CACHD1: variants seen among roughly 807,000 people sequenced by gnomAD.
CACHD1 encodes cache domain containing 1.
A neutral mutation model predicts 138.7 loss-of-function variants in CACHD1; 71 were observed. The ratio of observed to expected loss-of-function variants is 0.51; its 90% CI spans 0.42 to 0.62. CACHD1 has a LOEUF of 0.62. CACHD1 is among the 20% of genes least tolerant of loss of function. The pLI is 0.00. For missense variants in CACHD1, 1,389 were observed against 1,625.3 expected, an observed-to-expected ratio of 0.85 and a Z score of 2.50; for synonymous variants, 578 against 591.5, an observed-to-expected ratio of 0.98 and a Z score of 0.33.
intron 1 of CACHD1, among the ~76,000 whole-genome samples, chr1:64,517,774 C>T (rs898462217): frequency 7.2e-5 from 11 of 152,304 alleles, no homozygotes; most frequent in Middle Eastern, 3.4e-3. Context: ...GGGACCTGGA[C>T]AGTGTAGCAC....
chr1:64,633,929 A>AGAATATT (rs757583949), intron 6 of CACHD1, 115 bp from the exon 7 acceptor site: 124 of 712,620 alleles, frequency 1.7e-4, no homozygotes, highest in Admixed American at 5.8e-5. Context: ...TGAAACTCTC[A>AGAATATT]GAATCTGTTC....
chr1:64,664,983 T>A (rs1391612924), intron 15 of CACHD1, among the ~76,000 whole-genome samples: 1 of 152,230 alleles, frequency 6.6e-6, no homozygotes, highest in Non-Finnish European at 1.5e-5. Flanking sequence ...CTGGATAGAC[T>A]TCATTTTACT....
chr1:64,591,112 G>A (rs1647096888), intron 3 of CACHD1, among the ~76,000 whole-genome samples: 1 of 152,162 alleles, frequency 6.6e-6, no homozygotes, highest in Admixed American at 6.5e-5. Context: ...GGTTCCATGA[G>A]AGAGTTTGTT....
chr1:64,599,070 G>A (rs1056500441), intron 3 of CACHD1, among the ~76,000 whole-genome samples: 4 of 152,082 alleles, frequency 2.6e-5, no homozygotes, highest in Admixed American at 6.6e-5. Context: ...TGAGGTCACA[G>A]TGAAAAGGCC....
intron 2 of CACHD1, among the ~76,000 whole-genome samples, chr1:64,565,486 TTA>T (rs1448253904): frequency 1.3e-5 from 2 of 152,178 alleles, no homozygotes; most frequent in African/African-American, 4.8e-5. Flanking sequence ...GGTTTAGTGT[TTA>T]TGTTTCCTTG....
intron 20 of CACHD1, 81 bp downstream of exon 20, chr1:64,675,642 A>G: frequency 6.7e-7 from 1 of 1,489,330 alleles, no homozygotes; most frequent in South Asian, 1.3e-5. Flanking sequence ...GAAGTGCAAA[A>G]TAAACAGAAA....
intron 1 of CACHD1, among the ~76,000 whole-genome samples, chr1:64,527,501 A>G (rs189444989): frequency 2.6e-5 from 4 of 152,262 alleles, no homozygotes; most frequent in Non-Finnish European, 5.9e-5. Context: ...CTGTTGTGAA[A>G]TCATTTTGTG....
At chr1:64,518,249 G>A (rs1646473075) in intron 1 of CACHD1, among the ~76,000 whole-genome samples, 1 of 151,786 alleles carries the variant, frequency 6.6e-6, no homozygotes, top group Non-Finnish European at 1.5e-5. Context: ...ACATGGGGAT[G>A]GAAAACATTT....
chr1:64,596,293 G>A (rs1173347821), intron 3 of CACHD1, among the ~76,000 whole-genome samples: 3 of 152,188 alleles, frequency 2.0e-5, no homozygotes, highest in Non-Finnish European at 4.4e-5. Flanking sequence ...TGGACGATAA[G>A]GAGGTTCTTG....
At chr1:64,578,199 T>C (rs547894373) in intron 2 of CACHD1, among the ~76,000 whole-genome samples, 18 of 152,370 alleles carry the variant, frequency 1.2e-4, no homozygotes, top group Admixed American at 9.2e-4. Context: ...ACACAGACTT[T>C]GAATTTGTAT....
chr1:64,636,293 G>C (rs1428175208), intron 7 of CACHD1, among the ~76,000 whole-genome samples: 14 of 152,196 alleles, frequency 9.2e-5, no homozygotes, highest in Admixed American at 6.5e-4. Context: ...GGAAGCTACT[G>C]TAATTATAAC....
chr1:64,625,347 A>T (rs1377091575), intron 4 of CACHD1, among the ~76,000 whole-genome samples: 2 of 151,986 alleles, frequency 1.3e-5, no homozygotes, highest in Non-Finnish European at 2.9e-5. Context: ...CCTAGTGGGG[A>T]TGGGCGTGGT....
chr1:64,482,625 G>T (rs984408615), intron 1 of CACHD1, among the ~76,000 whole-genome samples: 1 of 152,142 alleles, frequency 6.6e-6, no homozygotes, highest in Non-Finnish European at 1.5e-5. Context: ...ATTTGATCCA[G>T]AATTGGCTTC....
In CACHD1 at chr1:64,592,738, C is replaced by A. The variant is rs148680335; in HGVS notation, c.411-10068C>A. ...AAGCAAGGAACGGCTGTGGTCAGGT[C>A]TTGGGCAAATTAATTAGTTGGCAAA... On this transcript the variant is annotated intron_variant, in intron 3 of 26. Coordinates refer to ENST00000651257, the MANE Select transcript of CACHD1 (RefSeq NM_020925.4). Among the ~76,000 whole-genome samples the A allele has an allele frequency of 1.2e-3, 181 of 152,152 alleles. 1 individual carries two copies. Among genetic ancestry groups the A allele is most frequent in the African/African-American group, 4.0e-3 (167 of 41,504 alleles).
intron 2 of CACHD1, among the ~76,000 whole-genome samples, chr1:64,555,332 G>GT: frequency 6.6e-6 from 1 of 152,032 alleles, no homozygotes; most frequent in Non-Finnish European, 1.5e-5. Flanking sequence ...TTTTAACTCA[G>GT]TTTTTTAAAA....
At chr1:64,572,197 T>C (rs1203744358) in intron 2 of CACHD1, among the ~76,000 whole-genome samples, 1 of 152,228 alleles carries the variant, frequency 6.6e-6, no homozygotes, top group Non-Finnish European at 1.5e-5. Context: ...GATTATTCTG[T>C]GGCTCCTGCT....
chr1:64,538,216 A>T (rs1478006651), intron 1 of CACHD1, among the ~76,000 whole-genome samples: 1 of 152,208 alleles, frequency 6.6e-6, no homozygotes, highest in Non-Finnish European at 1.5e-5. Flanking sequence ...TTTATTCCAT[A>T]AAGGCTCACT....
intron 23 of CACHD1, among the ~76,000 whole-genome samples, chr1:64,679,321 A>T (rs1650092083): frequency 6.6e-6 from 1 of 152,152 alleles, no homozygotes; most frequent in Non-Finnish European, 1.5e-5. Context: ...TGCCTGTGTA[A>T]GCAATTCTTC....
At chr1:64,647,222 A>G (rs772147938) in intron 8 of CACHD1, among the ~76,000 whole-genome samples, 23 of 152,206 alleles carry the variant, frequency 1.5e-4, no homozygotes, top group Non-Finnish European at 1.0e-4. Flanking sequence ...GTATTATCCT[A>G]ACAATATCAA....
Sources: allele counts gnomAD v4.1 joint callset (sites outside exome capture counted in the v4.1 genomes callset), GRCh38; gene constraint gnomAD v4.1.1; transcripts MANE v1.5; gene names NCBI Gene and HGNC (gene_info 2026-07-23, HGNC 2026-07-21).